SLMAP: variants seen among roughly 807,000 people sequenced by gnomAD.
SLMAP encodes the protein sarcolemma associated protein, also known as sarcolemmal membrane-associated protein.
SLMAP carries 44 observed loss-of-function variants against 128.8 expected under a neutral mutation model. That is an observed-to-expected ratio of 0.34 (90% confidence interval 0.27 to 0.44). The LOEUF (loss-of-function observed/expected upper bound fraction) is 0.44, where lower values mean the gene tolerates loss of function less well. Among genes scored for constraint, SLMAP ranks in the 20% least tolerant of loss-of-function variants. The pLI is 1.00. For missense variants in SLMAP, 787 were observed against 985.3 expected, an observed-to-expected ratio of 0.80 and a Z score of 2.69; for synonymous variants, 327 against 348.8, an observed-to-expected ratio of 0.94 and a Z score of 0.70.
intron 2 of SLMAP, among the ~76,000 whole-genome samples, chr3:57,761,168 G>A (rs971022362): frequency 5.9e-5 from 9 of 152,158 alleles, no homozygotes; most frequent in Non-Finnish European, 1.3e-4. Context: ...AGGGTGTTTA[G>A]TGGGGAAGAG....
intron 21 of SLMAP, among the ~76,000 whole-genome samples, chr3:57,914,089 C>T (rs2096758501): frequency 6.6e-6 from 1 of 152,142 alleles, no homozygotes; most frequent in South Asian, 2.1e-4. Flanking sequence ...TTAAATCTTT[C>T]TAGTATCTAA....
intron 2 of SLMAP, among the ~76,000 whole-genome samples, chr3:57,775,990 C>T (rs1436088799): frequency 2.0e-5 from 3 of 152,126 alleles, no homozygotes; most frequent in South Asian, 2.1e-4. Context: ...TGAGCCACCA[C>T]GCCGGGCCAA....
intron 2 of SLMAP, among the ~76,000 whole-genome samples, chr3:57,817,819 G>C (rs2092050015): frequency 6.6e-6 from 1 of 152,200 alleles, no homozygotes; most frequent in Non-Finnish European, 1.5e-5. Context: ...CAAATAGGTG[G>C]TAGCAGGTAG....
intron 2 of SLMAP, among the ~76,000 whole-genome samples, chr3:57,797,512 A>G (rs929027459): frequency 2.0e-5 from 3 of 151,034 alleles, no homozygotes; most frequent in Non-Finnish European, 4.4e-5. Flanking sequence ...ACGAGGCAGG[A>G]GAGTGGAATG....
At chr3:57,771,597 G>A (rs150284106) in intron 2 of SLMAP, among the ~76,000 whole-genome samples, 60 of 152,130 alleles carry the variant, frequency 3.9e-4, no homozygotes, top group African/African-American at 1.4e-3. Flanking sequence ...TGCAGTCACA[G>A]CTAATTGTAA....
intron 14 of SLMAP, among the ~76,000 whole-genome samples, chr3:57,873,924 G>A (rs891089624): frequency 6.6e-6 from 1 of 151,978 alleles, no homozygotes; most frequent in Non-Finnish European, 1.5e-5. Flanking sequence ...AGTTTGAGAC[G>A]AACCTGGCCA....
intron 2 of SLMAP, among the ~76,000 whole-genome samples, chr3:57,821,256 T>A (rs991814021): frequency 2.0e-5 from 3 of 152,188 alleles, no homozygotes; most frequent in Admixed American, 2.0e-4. Context: ...CTTTTCCTTG[T>A]GAGCTGGCCC....
At chr3:57,904,038 A>C (rs2096464606) in intron 17 of SLMAP, among the ~76,000 whole-genome samples, 1 of 152,234 alleles carries the variant, frequency 6.6e-6, no homozygotes, top group African/African-American at 2.4e-5. Flanking sequence ...CACAAAAAGA[A>C]TTGCTCATTA....
At chr3:57,908,201 C>T (rs1559521846) in intron 18 of SLMAP, among the ~76,000 whole-genome samples, 195 bp downstream of exon 18, 1 of 152,216 alleles carries the variant, frequency 6.6e-6, no homozygotes, top group Non-Finnish European at 1.5e-5. Context: ...AGTTGCTCTA[C>T]CTTCACACTG....
At chr3:57,919,039 A>G (rs1459645256) in intron 22 of SLMAP, among the ~76,000 whole-genome samples, 1 of 152,218 alleles carries the variant, frequency 6.6e-6, no homozygotes, top group Non-Finnish European at 1.5e-5. Context: ...AAATTTATAT[A>G]TGTGGCAGCT....
At position 57,923,915 on chromosome 3, in the gene SLMAP, C is replaced by CT. The variant is rs2096958095; in HGVS notation, c.2445+894dup. 2.0e-5 allele frequency among the ~76,000 whole-genome samples: 3 copies of CT among 152,224 alleles called. No homozygotes were observed. The South Asian group carries it at 6.2e-4, about 31-fold the overall frequency. On this transcript the variant is annotated intron_variant, in intron 23 of 24. Coordinates refer to ENST00000671191, the MANE Select transcript of SLMAP (RefSeq NM_001377540.1). ...GTTTGTAGACAGTAAAGTCTTGCTG[C>CT]TTAGGTAGAAGCCTTTTAGAAGTTG...
intron 6 of SLMAP, among the ~76,000 whole-genome samples, chr3:57,854,423 G>A (rs554094056): frequency 1.3e-5 from 2 of 151,912 alleles, no homozygotes; most frequent in Admixed American, 6.6e-5. Flanking sequence ...CATGGAGAAA[G>A]CTCATCTCCA....
intron 14 of SLMAP, among the ~76,000 whole-genome samples, chr3:57,874,711 T>C (rs1057248442): frequency 1.3e-5 from 2 of 151,934 alleles, no homozygotes; most frequent in Non-Finnish European, 1.5e-5. Flanking sequence ...AATACAAAAT[T>C]AGCCAGGCGT....
chr3:57,870,742 G>C (rs1384867317), intron 13 of SLMAP, among the ~76,000 whole-genome samples: 1 of 152,162 alleles, frequency 6.6e-6, no homozygotes, highest in Non-Finnish European at 1.5e-5. Flanking sequence ...GCCAACTCAT[G>C]TGTCCCCTTT....
At chr3:57,775,192 T>C (rs113858024) in intron 2 of SLMAP, among the ~76,000 whole-genome samples, 24,273 of 151,556 alleles carry the variant, frequency 0.16, 2,509 homozygotes, top group East Asian at 0.43. Context: ...TAGCTGGGAC[T>C]ACAGGCGCCC....
rs536723903 is a variant in SLMAP, at chr3:57,833,262, C to T, written c.346+1732C>T. On this transcript the variant is annotated intron_variant, in intron 3 of 24. Coordinates refer to ENST00000671191, the MANE Select transcript of SLMAP (RefSeq NM_001377540.1). ...TATATGCAGATTTCCAAGGAGGTGGCCATTATAGAATGCAACTCTTTCCAA... is the reference window on the plus strand; with the variant it reads ...TATATGCAGATTTCCAAGGAGGTGGTCATTATAGAATGCAACTCTTTCCAA... Among the ~76,000 whole-genome samples, 328 of 152,232 alleles carry T rather than the reference C, an allele frequency of 2.2e-3. 1 individual carries two copies. Among genetic ancestry groups the T allele is most frequent in the African/African-American group, 7.7e-3 (318 of 41,522 alleles).
downstream of SLMAP, among the ~76,000 whole-genome samples, chr3:57,930,012 A>T (rs899826966): frequency 6.6e-6 from 1 of 152,220 alleles, no homozygotes; most frequent in Non-Finnish European, 1.5e-5. Flanking sequence ...AACCATTCAG[A>T]ATTTCTGTGT....
At chr3:57,852,225 A>G (rs1183441064) in intron 6 of SLMAP, among the ~76,000 whole-genome samples, 1 of 152,164 alleles carries the variant, frequency 6.6e-6, no homozygotes, top group African/African-American at 2.4e-5. Context: ...ACATTCTTTT[A>G]TAGGAATCAA....
At chr3:57,795,242 C>G (rs532566742) in intron 2 of SLMAP, among the ~76,000 whole-genome samples, 1 of 152,200 alleles carries the variant, frequency 6.6e-6, no homozygotes, top group African/African-American at 2.4e-5. Flanking sequence ...TGATTTATAT[C>G]CTTTTGAAAA....
Sources: gnomAD v4.1 joint callset for allele counts (sites outside exome capture counted in the v4.1 genomes callset) on GRCh38, gnomAD v4.1.1 for gene constraint, MANE v1.5 for transcripts, NCBI Gene and HGNC (gene_info 2026-07-23, HGNC 2026-07-21) for gene names.